UBE3C: variants seen among roughly 807,000 people sequenced by gnomAD.
The protein encoded by UBE3C is ubiquitin-protein ligase E3C.
A neutral mutation model predicts 129.4 loss-of-function variants in UBE3C; 42 were observed. The observed-to-expected ratio is 0.32, with a 90% CI of 0.25 to 0.42. The LOEUF (loss-of-function observed/expected upper bound fraction) is 0.42. UBE3C is among the 10% of genes least tolerant of loss of function. UBE3C has a pLI of 1.00. For missense variants in UBE3C, 1,049 were observed against 1,319.1 expected (o/e 0.80, Z 3.17); for synonymous variants, 510 against 492.4 (o/e 1.04, Z -0.47).
chr7:157,256,844 C>T, intron 21 of UBE3C, 70 bp from the exon 22 acceptor site: 2 of 1,594,998 alleles, frequency 1.3e-6, no homozygotes, highest in South Asian at 2.3e-5. Context: ...GGTGTCTGGA[C>T]CAATCCCTGT....
chr7:157,260,223 CAT>C (rs1402776059), intron 22 of UBE3C, among the ~76,000 whole-genome samples: 4 of 152,012 alleles, frequency 2.6e-5, no homozygotes, highest in Non-Finnish European at 4.4e-5. Context: ...AAATAGAAAA[CAT>C]AGAATGAGAG....
chr7:157,247,091 A>G (rs571701734), intron 18 of UBE3C, among the ~76,000 whole-genome samples: 67 of 152,168 alleles, frequency 4.4e-4, no homozygotes, highest in African/African-American at 1.5e-3. Flanking sequence ...GGGTTTCACC[A>G]TGTCGGTTGG....
chr7:157,171,892 A>G (rs1448445639), intron 4 of UBE3C, among the ~76,000 whole-genome samples: 1 of 150,132 alleles, frequency 6.7e-6, no homozygotes, highest in Non-Finnish European at 1.5e-5. Context: ...TTTTTAGTGG[A>G]GATGGGATGT....
intron 22 of UBE3C, 85 bp downstream of exon 22, chr7:157,257,129 C>A: frequency 1.3e-6 from 2 of 1,530,144 alleles, no homozygotes; most frequent in African/African-American, 1.4e-5. Flanking sequence ...AAATGAAGTC[C>A]TTTTACATAC....
At position 157,220,740 on chromosome 7, in the gene UBE3C, A is replaced by T. The variant is rs751721397; in HGVS notation, c.1966A>T (p.Met656Leu). Residue 656 changes from methionine (M) to leucine (L), a missense_variant, in exon 15 of 23, where the codon ATG (methionine) becomes TTG (leucine). Met to Leu is a conservative substitution (Grantham distance 15, BLOSUM62 2). Transcript: ENST00000348165. Reference sequence around the variant, plus strand: ...CAGACATGTGTGGAGGTTCCGGCGGATGGGGAGGATAGGCCCGCTGCAGTC... The same window carrying T: ...CAGACATGTGTGGAGGTTCCGGCGGTTGGGGAGGATAGGCCCGCTGCAGTC... ...ASRHVWRFRR[M>L]GRIGPLQSTL... 6.2e-7 allele frequency: 1 copy of T among 1,614,124 alleles called. No homozygotes were observed. Among genetic ancestry groups the T allele is most frequent in the East Asian group, 2.2e-5 (1 of 44,886 alleles).
intron 11 of UBE3C, among the ~76,000 whole-genome samples, chr7:157,203,878 C>G (rs1436937935): frequency 1.3e-5 from 2 of 152,176 alleles, no homozygotes; most frequent in Non-Finnish European, 1.5e-5. Context: ...AGTTGAAATG[C>G]ATTCAAGACA....
At chr7:157,158,786 TAGA>T (rs1807987542) in intron 1 of UBE3C, among the ~76,000 whole-genome samples, 1 of 152,158 alleles carries the variant, frequency 6.6e-6, no homozygotes, top group Admixed American at 6.5e-5. Context: ...GCTCGTCAAT[TAGA>T]AGAAATGCTT....
At chr7:157,162,866 A>G (rs1344078134) in intron 1 of UBE3C, among the ~76,000 whole-genome samples, 1 of 152,220 alleles carries the variant, frequency 6.6e-6, no homozygotes, top group African/African-American at 2.4e-5. Flanking sequence ...TAAAATGTCC[A>G]TACACTAAAG....
At chr7:157,172,108 C>G (rs368862781) in intron 4 of UBE3C, among the ~76,000 whole-genome samples, 2 of 151,458 alleles carry the variant, frequency 1.3e-5, no homozygotes, top group South Asian at 2.1e-4. Context: ...TCTCAGCTCA[C>G]CGCAACCTCG....
chr7:157,256,830 C>T lies in UBE3C; in HGVS notation c.2951-84C>T, dbSNP rs1292448360. 2.7e-5 allele frequency: 41 copies of T among 1,546,618 alleles called. 1 individual carries two copies. Among genetic ancestry groups the T allele is most frequent in the Middle Eastern group, 1.8e-4 (1 of 5,708 alleles). ...TTGAGGATCCATGGACTTTAGTTTC[C>T]GTGGGTGTCTGGACCAATCCCTGTG... On this transcript the variant is annotated intron_variant, in intron 21 of 22. Coordinates refer to ENST00000348165, the MANE Select transcript of UBE3C (RefSeq NM_014671.3).
intron 10 of UBE3C, among the ~76,000 whole-genome samples, chr7:157,187,381 G>GTTTTTT (rs10637384): frequency 3.5e-5 from 5 of 142,926 alleles, no homozygotes; most frequent in African/African-American, 5.3e-5. Flanking sequence ...GTTTTATGGG[G>GTTTTTT]TTTTTTTTTT....
chr7:157,197,006 T>C (rs1274819058), intron 10 of UBE3C, among the ~76,000 whole-genome samples: 1 of 152,196 alleles, frequency 6.6e-6, no homozygotes, highest in Non-Finnish European at 1.5e-5. Context: ...TGTTTCTGTT[T>C]AAGTTCACAG....
intron 10 of UBE3C, among the ~76,000 whole-genome samples, chr7:157,199,249 A>C (rs1809210646): frequency 6.6e-6 from 1 of 152,032 alleles, no homozygotes; most frequent in Non-Finnish European, 1.5e-5. Context: ...GAAAGTTCGT[A>C]TTTTTCGTAG....
chr7:157,192,836 C>A, intron 10 of UBE3C: 2 of 1,082,736 alleles, frequency 1.8e-6, no homozygotes, highest in Non-Finnish European at 2.8e-6. Context: ...CAAGTAACTG[C>A]GTATGAGTTA....
chr7:157,230,093 G>A (rs1795982384), intron 17 of UBE3C, among the ~76,000 whole-genome samples: 1 of 151,372 alleles, frequency 6.6e-6, no homozygotes, highest in South Asian at 2.1e-4. Context: ...ATTTTTAGTA[G>A]GGATGGGGTT....
chr7:157,223,121 A>G (rs971665561), intron 15 of UBE3C, 133 bp from the exon 16 acceptor site: 2 of 863,528 alleles, frequency 2.3e-6, no homozygotes, highest in Non-Finnish European at 1.9e-6. Flanking sequence ...TGAGGCGGGG[A>G]TGTGTTCATG....
intron 13 of UBE3C, among the ~76,000 whole-genome samples, chr7:157,210,598 G>A (rs1809563937): frequency 6.6e-6 from 1 of 152,182 alleles, no homozygotes; most frequent in Non-Finnish European, 1.5e-5. Flanking sequence ...AGAACCAGCT[G>A]CTATTCTACA....
intron 11 of UBE3C, among the ~76,000 whole-genome samples, chr7:157,202,281 A>G (rs374521266): frequency 6.6e-5 from 10 of 152,338 alleles, no homozygotes; most frequent in African/African-American, 2.4e-4. Context: ...TGAGTATGTA[A>G]TAGGTAGGAA....
chr7:157,177,440 C>T (rs1032226033), intron 5 of UBE3C, among the ~76,000 whole-genome samples: 3 of 152,222 alleles, frequency 2.0e-5, no homozygotes, highest in African/African-American at 7.2e-5. Flanking sequence ...AGGCACCGTT[C>T]CAGCACTTCT....
Sources: allele counts gnomAD v4.1 joint callset (sites outside exome capture counted in the v4.1 genomes callset), GRCh38; gene constraint gnomAD v4.1.1; transcripts MANE v1.5; gene names NCBI Gene and HGNC (gene_info 2026-07-23, HGNC 2026-07-21).